NOTCH1: variants seen among roughly 807,000 people sequenced by gnomAD.
The protein encoded by NOTCH1 is notch receptor 1, also known as neurogenic locus notch homolog protein 1.
NOTCH1 carries 37 observed loss-of-function variants against 254.8 expected under a neutral mutation model. The ratio of observed to expected loss-of-function variants is 0.15; its 90% CI spans 0.11 to 0.19. The LOEUF is 0.19. Among genes scored for constraint, NOTCH1 ranks in the 10% least tolerant of loss-of-function variants. The pLI, the probability that NOTCH1 is intolerant of heterozygous loss-of-function variation, is 1.00. For missense variants in NOTCH1, 2,972 were observed against 3,708.6 expected, an observed-to-expected ratio of 0.80 and a Z score of 5.16; for synonymous variants, 1,731 against 1,618.1, an observed-to-expected ratio of 1.07 and a Z score of -1.68.
intron 8 of NOTCH1, among the ~76,000 whole-genome samples, 176 bp downstream of exon 8, chr9:136,517,576 C>T (rs898800809): frequency 2.2e-4 from 33 of 152,152 alleles, no homozygotes; most frequent in Non-Finnish European, 3.1e-4. Flanking sequence ...GCACTGCCCC[C>T]GTGCTCTGCT....
intron 2 of NOTCH1, among the ~76,000 whole-genome samples, chr9:136,528,206 G>C (rs1231289451): frequency 6.8e-6 from 1 of 148,090 alleles, no homozygotes; most frequent in African/African-American, 2.5e-5. Context: ...CCAGGGATGG[G>C]GGCACAGGCA....
At chr9:136,520,398 C>A (rs939781607) in intron 4 of NOTCH1, among the ~76,000 whole-genome samples, 2 of 152,080 alleles carry the variant, frequency 1.3e-5, no homozygotes, top group Non-Finnish European at 2.9e-5. Context: ...CAGCCAGAGA[C>A]AACCAAAATC....
intron 2 of NOTCH1, among the ~76,000 whole-genome samples, chr9:136,527,459 G>A (rs369379870): frequency 1.8e-4 from 28 of 152,226 alleles, no homozygotes; most frequent in African/African-American, 6.5e-4. Flanking sequence ...AACAGCTGCC[G>A]CGCCCACGGG....
chr9:136,539,675 C>G (rs1458481463), intron 2 of NOTCH1, among the ~76,000 whole-genome samples: 1 of 152,212 alleles, frequency 6.6e-6, no homozygotes, highest in Non-Finnish European at 1.5e-5. Context: ...GTTTTTCTAA[C>G]CCTGGCGCCC....
Position 136,513,844 on chromosome 9 carries a change from G to T in NOTCH1, c.2208-307C>A, listed in dbSNP as rs796723532. ...TAGCCAGGTGTGGTGGCACATGCCT[G>T]TAATCTCAGCTACTCGGGAGGCTGA... On this transcript the variant is annotated intron_variant, in intron 13 of 33. Transcript: ENST00000651671. This position sits in a 1 kb window ranked among gnomAD's most constrained non-coding sequence, Gnocchi z 4.7. 6.6e-6 allele frequency among the ~76,000 whole-genome samples: 1 copy of T among 152,226 alleles called. No homozygotes were observed. Among genetic ancestry groups the T allele is most frequent in the African/African-American group, 2.4e-5 (1 of 41,468 alleles).
At chr9:136,523,292 T>C (rs376058039) in intron 3 of NOTCH1, 104 bp from the exon 4 acceptor site, 3 of 1,172,886 alleles carry the variant, frequency 2.6e-6, no homozygotes, top group Non-Finnish European at 3.7e-6. Flanking sequence ...GGCTCCACCT[T>C]AGGTGCTATC....
In NOTCH1 at chr9:136,517,825, G is replaced by A. The variant is rs559866409; in HGVS notation, c.1368C>T (p.Cys456=). The A allele has an allele frequency of 3.1e-5, 50 of 1,612,692 alleles. No individual in the cohort carries two copies. Among genetic ancestry groups the A allele is most frequent in the East Asian group, 4.5e-5 (2 of 44,884 alleles). The change falls in exon 8 of 34, where the codon TGC becomes TGT. Residue 456 remains cysteine, a synonymous_variant. Coordinates refer to ENST00000651671, the MANE Select transcript of NOTCH1 (RefSeq NM_017617.5). ...GPRCEIDVNE[C]VSNPCQNDAT... The stretch of plus-strand genomic sequence containing the variant: ...CGTCGTTCTGGCACGGGTTCGAGAC[G>A]CACTCGTTGACGTCGATCTCGCATC...
At chr9:136,532,530 G>A (rs1255618938) in intron 2 of NOTCH1, among the ~76,000 whole-genome samples, 1 of 152,188 alleles carries the variant, frequency 6.6e-6, no homozygotes, top group Non-Finnish European at 1.5e-5. Flanking sequence ...GGGCTCCAGG[G>A]TGGATGACAC....
chr9:136,511,974 T>C (rs901016843), intron 15 of NOTCH1, among the ~76,000 whole-genome samples: 7 of 152,228 alleles, frequency 4.6e-5, no homozygotes, highest in Non-Finnish European at 7.3e-5. Flanking sequence ...ATCTTCCCTG[T>C]CCCCCATTAT....
At chr9:136,508,632 C>T (rs1233063823) in intron 19 of NOTCH1, among the ~76,000 whole-genome samples, 1 of 152,218 alleles carries the variant, frequency 6.6e-6, no homozygotes, top group African/African-American at 2.4e-5. Flanking sequence ...TTCCTCAATT[C>T]CCCAATTCCT....
At chr9:136,529,886 G>A (rs1352294489) in intron 2 of NOTCH1, among the ~76,000 whole-genome samples, 2 of 152,362 alleles carry the variant, frequency 1.3e-5, no homozygotes, top group East Asian at 3.9e-4. Context: ...GAGATTGGGG[G>A]CTGCGATGTG....
Position 136,496,757 on chromosome 9 carries a change from C to T in NOTCH1, c.6982G>A (p.Gly2328Arg). 2 of 1,612,842 alleles carry T rather than the reference C, an allele frequency of 1.2e-6. No individual in the cohort carries two copies. The highest frequency in any genetic ancestry group is 1.7e-6 in the Non-Finnish European group (2 of 1,180,008). The change falls in exon 34 of 34, where the codon GGG becomes AGG. Residue 2328 changes from glycine to arginine, a missense_variant. Gly to Arg is a moderately radical substitution (Grantham distance 125). Coordinates refer to ENST00000651671, the MANE Select transcript of NOTCH1 (RefSeq NM_017617.5). The part of the protein sequence containing the change: ...MVPNQYNPLR[G>R]SVAPGPLSTQ... ...CTCAGGGGGCCTGGTGCCACACTCC[C>T]CCGCAGAGGGTTGTATTGGTTCGGC...
rs373806373 is a variant in NOTCH1 at position 136,497,480 on chromosome 9, G to A, written c.6259C>T (p.Arg2087Trp). Reference sequence around the variant, plus strand: ...CGGTCCATATGATCCGTGATGTCCCGGTTGGCAAAGTGGTCCAGCAGCACC... The same window carrying A: ...CGGTCCATATGATCCGTGATGTCCCAGTTGGCAAAGTGGTCCAGCAGCACC... ...AKVLLDHFAN[R>W]DITDHMDRLP... The change falls in exon 34 of 34, where the codon CGG becomes TGG. Residue 2087 changes from arginine (R) to tryptophan (W), a missense_variant. Physicochemically the swap from Arg to Trp is moderately radical, Grantham distance 101. Around this residue, in one of 8 missense-constraint regions of NOTCH1, gnomAD observed 529 missense variants for 529.2 expected, o/e 1.00. Transcript: ENST00000651671. 1.4e-5 allele frequency: 23 copies of A among 1,612,220 alleles called. No homozygotes were observed. The highest frequency in any genetic ancestry group is 6.6e-5 in the South Asian group (6 of 91,080).
chr9:136,541,500 G>A (rs1296079194), intron 2 of NOTCH1, among the ~76,000 whole-genome samples: 1 of 152,172 alleles, frequency 6.6e-6, no homozygotes, highest in Non-Finnish European at 1.5e-5. Context: ...AGGCTGGCAG[G>A]GCTCCAAGAG....
In NOTCH1 at chr9:136,496,625, G is replaced by A. The variant is rs754234580; in HGVS notation, c.7114C>T (p.Arg2372Trp). The change falls in exon 34 of 34, where the codon CGG becomes TGG. Residue 2372 changes from arginine to tryptophan, a missense_variant. By Grantham distance (101) the Arg-to-Trp change is moderately radical (BLOSUM62 -3). Coordinates refer to ENST00000651671, the MANE Select transcript of NOTCH1 (RefSeq NM_017617.5). ...MMSYQGLPSTRLATQPHLVQT... is the reference protein window; with the variant it reads ...MMSYQGLPSTWLATQPHLVQT... ...ACCAGGTGAGGCTGGGTGGCCAGCC[G>A]GGTGCTGGGCAGGCCCTGGTAGCTC... 1.9e-5 allele frequency: 30 copies of A among 1,613,132 alleles called. No homozygotes were observed. The highest frequency in any genetic ancestry group is 3.3e-5 in the South Asian group (3 of 91,086).
chr9:136,510,646 T>C lies in NOTCH1; in HGVS notation c.2740+7A>G, dbSNP rs1376930295. 3.1e-6 allele frequency: 5 copies of C among 1,603,936 alleles called. No individual in the cohort carries two copies. The highest frequency in any genetic ancestry group is 2.2e-5 in the South Asian group (2 of 90,550). ...CTGGAGGAGGCCAGAGCCGCGGGGCTACTCACTGGGCCGGCAGTCGTCGAT... is the reference window on the plus strand; with the variant it reads ...CTGGAGGAGGCCAGAGCCGCGGGGCCACTCACTGGGCCGGCAGTCGTCGAT... On this transcript the variant is annotated splice_region_variant and intron_variant, in intron 17 of 33. Coordinates refer to ENST00000651671, the MANE Select transcript of NOTCH1 (RefSeq NM_017617.5).
chr9:136,505,137 C>T (rs759457274), intron 25 of NOTCH1, 33 bp from the exon 26 acceptor site: 2 of 1,585,742 alleles, frequency 1.3e-6, no homozygotes, highest in Non-Finnish European at 8.6e-7. Flanking sequence ...AGGCCGCCTT[C>T]CTCGGGGGGC....
chr9:136,535,218 C>T lies in NOTCH1; in HGVS notation c.140+8806G>A, dbSNP rs113592172. The stretch of plus-strand genomic sequence containing the variant: ...TCGGAGGATGGGATCTCCCGCCCAG[C>T]GGGTGCAGCCAGGTGGGAGGGGCCA... On this transcript the variant is annotated intron_variant, in intron 2 of 33. Transcript: ENST00000651671. Among the ~76,000 whole-genome samples the T allele has an allele frequency of 5.3e-3, 798 of 151,994 alleles. 7 individuals carry two copies. The highest frequency in any genetic ancestry group is 0.018 in the African/African-American group (745 of 41,478).
In NOTCH1 at chr9:136,540,262, C is replaced by G. The variant is rs922422811; in HGVS notation, c.140+3762G>C. The stretch of plus-strand genomic sequence containing the variant: ...AGCAGGGGCCATGTCTGCCCTGTCC[C>G]CACCGGGGGCCTGGCCTGGAGCAGA... On this transcript the variant is annotated intron_variant, in intron 2 of 33. Transcript: ENST00000651671. This position sits in a 1 kb window ranked among gnomAD's most constrained non-coding sequence, Gnocchi z 4.4. Among the ~76,000 whole-genome samples the G allele has an allele frequency of 6.6e-6, 1 of 152,194 alleles. No homozygotes were observed. The highest frequency in any genetic ancestry group is 1.5e-5 in the Non-Finnish European group (1 of 68,042).
Sources: allele counts gnomAD v4.1 joint callset (sites outside exome capture counted in the v4.1 genomes callset), GRCh38; gene constraint gnomAD v4.1.1; regional missense constraint gnomAD v4.1.1; non-coding constraint Gnocchi (gnomAD v3.1); transcripts MANE v1.5; gene names NCBI Gene and HGNC (gene_info 2026-07-23, HGNC 2026-07-21).